Variants in OTOGL observed in about 807,000 individuals in gnomAD.
The protein encoded by OTOGL is otogelin-like protein.
Under a neutral mutation model 318.5 loss-of-function variants are expected in OTOGL, and 285 were observed. The ratio of observed to expected loss-of-function variants is 0.89; its 90% CI spans 0.81 to 0.99. The LOEUF (loss-of-function observed/expected upper bound fraction) is 0.99, where lower values mean the gene tolerates loss of function less well. OTOGL is among the 50% of genes least tolerant of loss of function. OTOGL has a pLI of 0.00. For missense variants in OTOGL, 2,899 were observed against 2,845.6 expected (o/e 1.02, Z -0.43); for synonymous variants, 987 against 936.5 (o/e 1.05, Z -0.99).
At chr12:80,307,418 C>T (rs976892063) in intron 29 of OTOGL, among the ~76,000 whole-genome samples, 8 of 150,010 alleles carry the variant, frequency 5.3e-5, no homozygotes, top group African/African-American at 2.0e-4. Context: ...CCGGACGGGG[C>T]GGCTGGCCAG....
At chr12:80,100,345 A>C (rs1869064182) in intron 1 of OTOGL, among the ~76,000 whole-genome samples, 2 of 152,142 alleles carry the variant, frequency 1.3e-5, no homozygotes, top group African/African-American at 4.8e-5. Context: ...ACAACAACAA[A>C]AATATGATAA....
At chr12:80,299,881 C>T (rs1363601782) in intron 27 of OTOGL, among the ~76,000 whole-genome samples, 2 of 152,020 alleles carry the variant, frequency 1.3e-5, no homozygotes, top group African/African-American at 2.4e-5. Flanking sequence ...AAAAGTAAGG[C>T]GTATGGCAAC....
intron 55 of OTOGL, among the ~76,000 whole-genome samples, chr12:80,370,071 C>T (rs1890782466): frequency 1.3e-5 from 2 of 151,718 alleles, no homozygotes; most frequent in Admixed American, 1.3e-4. Flanking sequence ...AATCACAAGC[C>T]AATAAACACT....
At chr12:80,309,427 G>C (rs777642397) in intron 29 of OTOGL, among the ~76,000 whole-genome samples, 1 of 152,206 alleles carries the variant, frequency 6.6e-6, no homozygotes, top group Non-Finnish European at 1.5e-5. Flanking sequence ...AACAGGGAAA[G>C]GAGGGAGCAG....
chr12:80,320,679 T>G lies in OTOGL; in HGVS notation c.4060T>G (p.Ser1354Ala). ...KYDDSEEFKH[S>A]SSFSIEEIQA... The stretch of plus-strand genomic sequence containing the variant: ...TGATGATTCTGAAGAATTTAAACAT[T>G]CAAGTAGCTTCAGCATAGAAGGTAT... The change falls in exon 34 of 59, where the codon TCA (serine) becomes GCA (alanine). Residue 1354 changes from serine to alanine, a missense_variant. Ser to Ala is a moderately conservative substitution (Grantham distance 99). This residue lies in a region of OTOGL where 2,607 missense variants were observed against 2,524.9 expected (regional missense o/e 1.03). Coordinates refer to ENST00000547103, the MANE Select transcript of OTOGL (RefSeq NM_001378609.3). 2 of 1,604,154 alleles carry G rather than the reference T, an allele frequency of 1.2e-6. No individual in the cohort carries two copies. Among genetic ancestry groups the G allele is most frequent in the Non-Finnish European group, 1.7e-6 (2 of 1,174,984 alleles).
chr12:80,207,082 A>G (rs915024503), intron 1 of OTOGL, among the ~76,000 whole-genome samples: 8 of 135,028 alleles, frequency 5.9e-5, no homozygotes, highest in African/African-American at 2.1e-4. Context: ...GCTGCTTACT[A>G]ACTTTTTTTA....
intron 13 of OTOGL, 109 bp downstream of exon 13, chr12:80,252,310 G>A: frequency 1.7e-6 from 2 of 1,195,494 alleles, no homozygotes; most frequent in African/African-American, 1.6e-5. Flanking sequence ...TGGACCTATT[G>A]CAATTTTCTG....
intron 44 of OTOGL, among the ~76,000 whole-genome samples, chr12:80,349,239 T>G (rs2137985459): frequency 6.6e-6 from 1 of 152,312 alleles, no homozygotes; most frequent in Middle Eastern, 3.4e-3. Flanking sequence ...AGTATATGGA[T>G]TTTTAAAATA....
intron 12 of OTOGL, 24 bp from the exon 13 acceptor site, chr12:80,252,052 A>G: frequency 2.7e-6 from 4 of 1,497,088 alleles, no homozygotes; most frequent in Non-Finnish European, 3.6e-6. Context: ...AATTGACTTA[A>G]GCTCCCCTGT....
intron 37 of OTOGL, among the ~76,000 whole-genome samples, 197 bp downstream of exon 37, chr12:80,329,316 G>T (rs758036884): frequency 3.9e-5 from 6 of 152,094 alleles, no homozygotes; most frequent in Non-Finnish European, 4.4e-5. Flanking sequence ...GGCCTCAAAG[G>T]ATTCTTCTGC....
intron 4 of OTOGL, among the ~76,000 whole-genome samples, chr12:80,217,382 A>T (rs1213417638): frequency 6.6e-6 from 1 of 152,168 alleles, no homozygotes; most frequent in African/African-American, 2.4e-5. Flanking sequence ...GTCATGTAAG[A>T]GGCAAAACCA....
chr12:80,277,336 A>G (rs1883885597), intron 24 of OTOGL, among the ~76,000 whole-genome samples: 1 of 147,250 alleles, frequency 6.8e-6, no homozygotes, highest in Admixed American at 6.8e-5. Context: ...AGAATATTGA[A>G]ATATATATTT....
At chr12:80,376,700 A>G (rs907603887) in intron 57 of OTOGL, among the ~76,000 whole-genome samples, 10 of 152,108 alleles carry the variant, frequency 6.6e-5, no homozygotes, top group African/African-American at 2.4e-4. Context: ...CTCAATTTTT[A>G]TTTTAAAATT....
intron 35 of OTOGL, among the ~76,000 whole-genome samples, chr12:80,327,562 G>T (rs1262515176): frequency 1.3e-5 from 2 of 151,898 alleles, no homozygotes; most frequent in African/African-American, 4.8e-5. Flanking sequence ...TTAATAACAG[G>T]CAGGGAGAGC....
rs577946348 is a variant in OTOGL at position 80,129,635 on chromosome 12, C to T, written c.-20+30030C>T. 7.9e-5 allele frequency among the ~76,000 whole-genome samples: 12 copies of T among 151,864 alleles called. No individual in the cohort carries two copies. In the South Asian group the frequency reaches 2.5e-3, roughly 32 times the overall value. On this transcript the variant is annotated intron_variant, in intron 1 of 58. Transcript: ENST00000547103. ...TTTTTTTTTTCTTTTACATTTTCTTCACTTCTGAACTTTCCTAAAATACTT... is the reference window on the plus strand; with the variant it reads ...TTTTTTTTTTCTTTTACATTTTCTTTACTTCTGAACTTTCCTAAAATACTT...
chr12:80,331,528 C>T (rs1413400297), intron 37 of OTOGL, among the ~76,000 whole-genome samples: 4 of 151,400 alleles, frequency 2.6e-5, no homozygotes, highest in Non-Finnish European at 5.9e-5. Flanking sequence ...TTAGTAGAGG[C>T]GGGGTTTCGC....
chr12:80,253,253 TG>T (rs1881732666), intron 13 of OTOGL, among the ~76,000 whole-genome samples: 1 of 152,124 alleles, frequency 6.6e-6, no homozygotes, highest in African/African-American at 2.4e-5. Flanking sequence ...TGGCAAGTCA[TG>T]GGATAAGAAA....
At position 80,259,771 on chromosome 12, in the gene OTOGL, G is replaced by A. The variant is rs530170622; in HGVS notation, c.1889+1769G>A. The stretch of plus-strand genomic sequence containing the variant: ...TCTTTATCCAGTCTATCATTGATGG[G>A]CATTTGCGTTGGTTCCAAGTCTTTG... On this transcript the variant is annotated intron_variant, in intron 18 of 58. Transcript: ENST00000547103. Among the ~76,000 whole-genome samples the A allele has an allele frequency of 6.1e-3, 922 of 152,054 alleles. 2 individuals carry two copies. Among genetic ancestry groups the A allele is most frequent in the Non-Finnish European group, 0.011 (747 of 67,964 alleles).
At chr12:80,203,099 T>C (rs766788648) in intron 1 of OTOGL, among the ~76,000 whole-genome samples, 5 of 152,202 alleles carry the variant, frequency 3.3e-5, no homozygotes, top group Admixed American at 6.5e-5. Context: ...TGTGAATGCA[T>C]TCATTTTCTT....
Sources: gnomAD v4.1 joint callset for allele counts (sites outside exome capture counted in the v4.1 genomes callset) on GRCh38, gnomAD v4.1.1 for gene constraint, gnomAD v4.1.1 regional missense constraint, MANE v1.5 for transcripts, NCBI Gene and HGNC (gene_info 2026-07-23, HGNC 2026-07-21) for gene names.